Variants in ADGRL1 observed in about 807,000 individuals in gnomAD.
ADGRL1 encodes the protein adhesion G protein-coupled receptor L1.
A neutral mutation model predicts 148.9 loss-of-function variants in ADGRL1; 31 were observed. The observed-to-expected ratio is 0.21, with a 90% CI of 0.16 to 0.28. The LOEUF (loss-of-function observed/expected upper bound fraction) is 0.28, where lower values mean the gene tolerates loss of function less well. Ranked by LOEUF, ADGRL1 falls within the 10% of genes least tolerant of loss-of-function variation. The pLI is 1.00. For missense variants in ADGRL1, 1,521 were observed against 2,058.8 expected (o/e 0.74, Z 5.05); for synonymous variants, 937 against 900.3 (o/e 1.04, Z -0.73).
intron 3 of ADGRL1, among the ~76,000 whole-genome samples, chr19:14,175,133 G>A (rs116370887): frequency 0.013 from 2,013 of 152,220 alleles, 37 homozygotes; most frequent in African/African-American, 0.046. Context: ...GTGAGCCACC[G>A]CGTCCAGCCT....
chr19:14,201,323 G>C (rs2018974), intron 1 of ADGRL1, among the ~76,000 whole-genome samples: 7 of 104,368 alleles, frequency 6.7e-5, no homozygotes, highest in Non-Finnish European at 1.2e-4. Flanking sequence ...TTGGCGGGGT[G>C]GGGGGGGGCA....
At chr19:14,192,988 A>C (rs1972036763) in intron 1 of ADGRL1, among the ~76,000 whole-genome samples, 1 of 152,134 alleles carries the variant, frequency 6.6e-6, no homozygotes, top group Non-Finnish European at 1.5e-5. Flanking sequence ...GGGAGTGACT[A>C]AGGACGGCAG....
rs781761899 is a variant in ADGRL1 at position 14,162,738 on chromosome 19, G to C, written c.1063C>G (p.Leu355Val). 6.2e-7 allele frequency: 1 copy of C among 1,614,230 alleles called. No individual in the cohort carries two copies. The highest frequency in any genetic ancestry group is 1.7e-5 in the Admixed American group (1 of 60,032). ...TNANREEPVSLTFPNPYQFIS... is the reference protein window; with the variant it reads ...TNANREEPVSVTFPNPYQFIS... ...AACTGGTAGGGGTTGGGGAAGGTGA[G>C]GCTGACAGGCTCCTCGCGGTTGGCA... Residue 355 changes from leucine (L) to valine (V), a missense_variant, in exon 5 of 23, where the codon CTC becomes GTC. Physicochemically the swap from Leu to Val is conservative, Grantham distance 32. This residue lies in a region of ADGRL1 where 270 missense variants were observed against 320.4 expected (regional missense o/e 0.84). Transcript: ENST00000361434. The surrounding 1 kb of genome is among the most constrained non-coding windows in gnomAD (Gnocchi z 5.4).
intron 4 of ADGRL1, chr19:14,170,133 G>A: frequency 6.5e-6 from 1 of 153,450 alleles, no homozygotes. Context: ...CTCTATGGGT[G>A]TAGAGTCCAG....
chr19:14,202,298 G>A (rs566241647), intron 1 of ADGRL1, among the ~76,000 whole-genome samples: 3 of 151,628 alleles, frequency 2.0e-5, no homozygotes, highest in South Asian at 2.1e-4. Flanking sequence ...TGTCGCCCAC[G>A]CTGGAGTGCA....
At chr19:14,165,839 C>G (rs967383759) in intron 4 of ADGRL1, among the ~76,000 whole-genome samples, 3 of 152,106 alleles carry the variant, frequency 2.0e-5, no homozygotes, top group Non-Finnish European at 4.4e-5. Context: ...GGATGCTCCA[C>G]AGACCACTGT....
intron 4 of ADGRL1, chr19:14,169,691 C>T (rs1970305353): frequency 1.3e-5 from 2 of 152,106 alleles, no homozygotes; most frequent in Non-Finnish European, 2.9e-5. Flanking sequence ...GCCTCTTAGT[C>T]CCCAAACCCG....
rs1017815560 is a variant in ADGRL1, at chr19:14,150,788, T to G, written c.*85A>C. On this transcript the variant is annotated 3_prime_UTR_variant, in exon 23 of 23. Transcript: ENST00000361434. ...AGAGAGTGGCCCACCAGCCACTGCC[T>G]CCATCTGTCTCCCTCTCCCACCAGA... The G allele has an allele frequency of 4.0e-6, 6 of 1,501,038 alleles. No homozygotes were observed. In the African/African-American group the frequency reaches 6.9e-5, roughly 17 times the overall value. The allele number at this position is 1,501,038 out of a possible 1,614,324, so 93.0% of individuals were successfully genotyped here. A position where few individuals can be genotyped will look rare whatever the true frequency, so the allele number is the denominator to read the frequency against.
At position 14,155,657 on chromosome 19, in the gene ADGRL1, C is replaced by T. The variant is rs909416497; in HGVS notation, c.3126-130G>A. The T allele has an allele frequency of 9.9e-6, 9 of 909,556 alleles. No homozygotes were observed. The highest frequency in any genetic ancestry group is 5.3e-5 in the East Asian group (2 of 37,794). The allele number at this position is 909,556 out of a possible 1,614,324, so 56.3% of individuals were successfully genotyped here. ...ACTGTCTGCAAAGCCCTGAGCGGGC[C>T]GAGTGGGCCTTGGGGGCAGTGGCCT... On this transcript the variant is annotated intron_variant, in intron 17 of 22. Coordinates refer to ENST00000361434, the MANE Select transcript of ADGRL1 (RefSeq NM_014921.5). The surrounding 1 kb of genome is among the most constrained non-coding windows in gnomAD (Gnocchi z 5.0).
In ADGRL1 at chr19:14,149,922, CTTTTTTTTTTT is replaced by C. The variant is rs71170598; in HGVS notation, c.*940_*950del. The C allele has an allele frequency of 8.1e-6, 1 of 122,724 alleles. No individual in the cohort carries two copies. The highest frequency in any genetic ancestry group is 1.7e-5 in the Non-Finnish European group (1 of 57,784). The allele number at this position is 122,724 out of a possible 1,614,324, so 7.6% of individuals were successfully genotyped here. On this transcript the variant is annotated 3_prime_UTR_variant, in exon 23 of 23. Transcript: ENST00000361434. The stretch of plus-strand genomic sequence containing the variant: ...CAAGTGATGAGATTTTTTTTCTTTT[CTTTTTTTTTTT>C]TTTTGTCTTTTTTTTTTCTTTTCCA...
intron 1 of ADGRL1, among the ~76,000 whole-genome samples, chr19:14,184,623 TTTATTTA>T: frequency 7.6e-6 from 1 of 130,758 alleles, no homozygotes; most frequent in African/African-American, 3.1e-5. Context: ...TATTTATTTA[TTTATTTA>T]TTTATTTATT....
chr19:14,203,448 A>G (rs1054516117), intron 1 of ADGRL1, among the ~76,000 whole-genome samples: 7 of 152,100 alleles, frequency 4.6e-5, no homozygotes, highest in African/African-American at 1.4e-4. Context: ...GAAGCAACAC[A>G]TGCTCTGCCA....
intron 1 of ADGRL1, among the ~76,000 whole-genome samples, chr19:14,200,427 C>T: frequency 6.6e-6 from 1 of 152,204 alleles, no homozygotes; most frequent in Middle Eastern, 3.2e-3. Flanking sequence ...GTCGGCCAAC[C>T]ATGGTCAGGC....
rs1264662038 is a variant in ADGRL1, at chr19:14,162,161, G to A, written c.1195+445C>T. Among the ~76,000 whole-genome samples the A allele has an allele frequency of 6.6e-6, 1 of 152,190 alleles. No individual in the cohort carries two copies. Among genetic ancestry groups the A allele is most frequent in the Non-Finnish European group, 1.5e-5 (1 of 68,018 alleles). Reference sequence around the variant, plus strand: ...CAGAGCTAGCAGGGCAGCTAGGCGGGGCAAAAGAAGACTGCAGAGTTGCCC... The same window carrying A: ...CAGAGCTAGCAGGGCAGCTAGGCGGAGCAAAAGAAGACTGCAGAGTTGCCC... On this transcript the variant is annotated intron_variant, in intron 5 of 22. Transcript: ENST00000361434. This position sits in a 1 kb window ranked among gnomAD's most constrained non-coding sequence, Gnocchi z 5.4.
chr19:14,199,315 C>A (rs1972456324), intron 1 of ADGRL1, among the ~76,000 whole-genome samples: 1 of 152,236 alleles, frequency 6.6e-6, no homozygotes, highest in Non-Finnish European at 1.5e-5. Flanking sequence ...ATGTGCCAGA[C>A]ACTGAGGGGC....
At position 14,170,620 on chromosome 19, in the gene ADGRL1, T is replaced by G. The variant is rs977612498; in HGVS notation, c.394+62A>C. 3 of 996,640 alleles carry G rather than the reference T, an allele frequency of 3.0e-6. No individual in the cohort carries two copies. The African/African-American group carries it at 4.8e-5, about 16-fold the overall frequency. The allele number at this position is 996,640 out of a possible 1,614,324, so 61.7% of individuals were successfully genotyped here. Reference sequence around the variant, plus strand: ...TGCACATGTGTGATGGGTCAAGGTGTCTCCTCCTCACTCACTCATGCGAGA... The same window carrying G: ...TGCACATGTGTGATGGGTCAAGGTGGCTCCTCCTCACTCACTCATGCGAGA... On this transcript the variant is annotated intron_variant, in intron 4 of 22. Transcript: ENST00000361434.
chr19:14,180,163 G>A (rs1445860559), intron 2 of ADGRL1, among the ~76,000 whole-genome samples: 1 of 152,122 alleles, frequency 6.6e-6, no homozygotes, highest in African/African-American at 2.4e-5. Flanking sequence ...TGCCGGGAGA[G>A]TTAACACTGT....
intron 1 of ADGRL1, among the ~76,000 whole-genome samples, chr19:14,188,387 C>T (rs190501247): frequency 1.3e-5 from 2 of 152,242 alleles, no homozygotes; most frequent in East Asian, 3.9e-4. Flanking sequence ...AGAGGCAGTC[C>T]CTCTCTTCCT....
chr19:14,181,820 C>T (rs144188614), intron 2 of ADGRL1, among the ~76,000 whole-genome samples: 1,548 of 152,316 alleles, frequency 0.01, 26 homozygotes, highest in African/African-American at 0.035. Context: ...CCCGGGTCAT[C>T]CTGCAGGGAT....
Sources: gnomAD v4.1 joint callset for allele counts (sites outside exome capture counted in the v4.1 genomes callset) on GRCh38, gnomAD v4.1.1 for gene constraint, gnomAD v4.1.1 regional missense constraint, Gnocchi (gnomAD v3.1) non-coding constraint, MANE v1.5 for transcripts, NCBI Gene and HGNC (gene_info 2026-07-23, HGNC 2026-07-21) for gene names.